GPC5: variants seen among roughly 807,000 people sequenced by gnomAD.
The protein encoded by GPC5 is glypican-5.
Under a neutral mutation model 53.9 loss-of-function variants are expected in GPC5, and 47 were observed. That is an observed-to-expected ratio of 0.87 (90% CI 0.69 to 1.11). The LOEUF is 1.11. GPC5 is among the 50% of genes most tolerant of loss of function. The pLI is 0.00. For missense variants in GPC5, 748 were observed against 713.1 expected, an observed-to-expected ratio of 1.05 and a Z score of -0.56; for synonymous variants, 286 against 263.3, an observed-to-expected ratio of 1.09 and a Z score of -0.84.
Position 92,463,767 on chromosome 13 carries a change from G to A in GPC5, c.1561+318778G>A, listed in dbSNP as rs561077484. Among the ~76,000 whole-genome samples the A allele has an allele frequency of 5.3e-5, 8 of 152,078 alleles. No homozygotes were observed. The South Asian group carries it at 1.2e-3, about 24-fold the overall frequency. ...AATACTCCACAAATAGCATTTTTCA[G>A]TTGTGAGACACAAAGCTTTTTTCTA... is the stretch of plus-strand genomic sequence containing the variant. On this transcript the variant is annotated intron_variant, in intron 7 of 7. Coordinates refer to ENST00000377067, the MANE Select transcript of GPC5 (RefSeq NM_004466.6).
intron 7 of GPC5, among the ~76,000 whole-genome samples, chr13:92,487,572 T>C (rs1011157088): frequency 2.6e-5 from 4 of 152,164 alleles, no homozygotes; most frequent in African/African-American, 7.2e-5. Flanking sequence ...TAGAAAACTT[T>C]CTGCATCCCA....
intron 7 of GPC5, among the ~76,000 whole-genome samples, chr13:92,345,869 G>A (rs1199825861): frequency 6.6e-6 from 1 of 152,160 alleles, no homozygotes; most frequent in Non-Finnish European, 1.5e-5. Context: ...AGAGCTCTTA[G>A]TGACCAGCCT....
intron 7 of GPC5, among the ~76,000 whole-genome samples, chr13:92,347,227 G>A (rs1418407350): frequency 6.6e-6 from 1 of 152,148 alleles, no homozygotes; most frequent in Non-Finnish European, 1.5e-5. Flanking sequence ...ACTGAAAGAG[G>A]TGTTAATCAA....
intron 5 of GPC5, among the ~76,000 whole-genome samples, chr13:91,837,081 A>G (rs2038729982): frequency 6.7e-6 from 1 of 150,220 alleles, no homozygotes; most frequent in African/African-American, 2.4e-5. Context: ...ATTTGAATTT[A>G]TATTTAAATA....
intron 2 of GPC5, among the ~76,000 whole-genome samples, chr13:91,561,237 A>G (rs1369220193): frequency 6.6e-6 from 1 of 152,100 alleles, no homozygotes; most frequent in Non-Finnish European, 1.5e-5. Flanking sequence ...TGTAATTTCA[A>G]TAATTGTAAA....
At chr13:91,699,073 G>A (rs2035941911) in intron 3 of GPC5, among the ~76,000 whole-genome samples, 1 of 152,160 alleles carries the variant, frequency 6.6e-6, no homozygotes, top group South Asian at 2.1e-4. Context: ...TTGGTTCCTA[G>A]AGAGGTTCAA....
At chr13:91,958,594 G>C (rs1412021611) in intron 6 of GPC5, among the ~76,000 whole-genome samples, 1 of 151,942 alleles carries the variant, frequency 6.6e-6, no homozygotes, top group East Asian at 1.9e-4. Context: ...TTGGCACATG[G>C]AACATTCTCC....
chr13:91,468,858 T>C (rs1239406763), intron 2 of GPC5, among the ~76,000 whole-genome samples: 1 of 150,284 alleles, frequency 6.7e-6, no homozygotes, highest in African/African-American at 2.4e-5. Flanking sequence ...GTTTTCTTCG[T>C]AGCTAAGATA....
intron 7 of GPC5, among the ~76,000 whole-genome samples, chr13:92,463,145 A>G (rs1044105909): frequency 8.5e-5 from 13 of 152,200 alleles, no homozygotes; most frequent in Admixed American, 3.3e-4. Context: ...CCCGATTTAC[A>G]TGAGGAAAAT....
intron 7 of GPC5, among the ~76,000 whole-genome samples, chr13:92,683,229 AAG>A (rs1464866589): frequency 6.6e-6 from 1 of 152,150 alleles, no homozygotes; most frequent in East Asian, 1.9e-4. Flanking sequence ...AAAAAAAGGA[AAG>A]AGAGAGAAAA....
chr13:92,438,252 C>CAATCTA (rs1877398211), intron 7 of GPC5, among the ~76,000 whole-genome samples: 2 of 151,896 alleles, frequency 1.3e-5, no homozygotes. Flanking sequence ...AGAACCAACC[C>CAATCTA]AATCTACAAT....
At chr13:92,693,772 C>G (rs1887479934) in intron 7 of GPC5, among the ~76,000 whole-genome samples, 1 of 152,120 alleles carries the variant, frequency 6.6e-6, no homozygotes, top group South Asian at 2.1e-4. Flanking sequence ...AACCCATTTT[C>G]TGGGGAGAAA....
In GPC5 at chr13:91,852,257, T is replaced by G. The variant is rs930541262; in HGVS notation, c.1281-55680T>G. On this transcript the variant is annotated intron_variant, in intron 5 of 7. Coordinates refer to ENST00000377067, the MANE Select transcript of GPC5 (RefSeq NM_004466.6). Reference sequence around the variant, plus strand: ...TTTTTTAATTATATTTTTATGTTATTTTGTTAAAAACTAAGACTCAAACAC... The same window carrying G: ...TTTTTTAATTATATTTTTATGTTATGTTGTTAAAAACTAAGACTCAAACAC... 3.0e-4 allele frequency among the ~76,000 whole-genome samples: 45 copies of G among 148,892 alleles called. 1 individual carries two copies. The highest frequency in any genetic ancestry group is 6.3e-4 in the South Asian group (3 of 4,756).
At chr13:92,647,458 C>T (rs888019481) in intron 7 of GPC5, among the ~76,000 whole-genome samples, 5 of 152,054 alleles carry the variant, frequency 3.3e-5, no homozygotes, top group Non-Finnish European at 7.4e-5. Context: ...CCTACATAGG[C>T]TCAGGAATAA....
chr13:91,943,248 CA>C (rs1415337150), intron 6 of GPC5, among the ~76,000 whole-genome samples: 1 of 151,944 alleles, frequency 6.6e-6, no homozygotes, highest in Non-Finnish European at 1.5e-5. Flanking sequence ...ATTTGATTAA[CA>C]AAATGCCTCA....
rs541228669 is a variant in GPC5, at chr13:92,472,936, T to C, written c.1561+327947T>C. Among the ~76,000 whole-genome samples the C allele has an allele frequency of 3.9e-5, 6 of 152,256 alleles. No homozygotes were observed. The South Asian group carries it at 1.0e-3, about 26-fold the overall frequency. On this transcript the variant is annotated intron_variant, in intron 7 of 7. Coordinates refer to ENST00000377067, the MANE Select transcript of GPC5 (RefSeq NM_004466.6). ...AAAGCAGTTTAATTGAATAGTACCT[T>C]ATTTATGATTGGCTTTTGATACCTA...
At chr13:92,286,040 T>A (rs1408924595) in intron 7 of GPC5, among the ~76,000 whole-genome samples, 1 of 151,892 alleles carries the variant, frequency 6.6e-6, no homozygotes. Context: ...TCAAAGAAAT[T>A]TACAAGAAAA....
intron 2 of GPC5, among the ~76,000 whole-genome samples, chr13:91,492,546 T>A (rs950570203): frequency 1.3e-5 from 2 of 152,168 alleles, no homozygotes; most frequent in Admixed American, 1.3e-4. Flanking sequence ...TTCGCCTTTT[T>A]TCTGTCTTTT....
chr13:92,095,739 T>G (rs1365742520), intron 6 of GPC5, among the ~76,000 whole-genome samples: 1 of 152,088 alleles, frequency 6.6e-6, no homozygotes, highest in East Asian at 1.9e-4. Context: ...TTCACCACGT[T>G]GGTCAGGCTG....
Sources: gnomAD v4.1 joint callset for allele counts (sites outside exome capture counted in the v4.1 genomes callset) on GRCh38, gnomAD v4.1.1 for gene constraint, MANE v1.5 for transcripts, NCBI Gene and HGNC (gene_info 2026-07-23, HGNC 2026-07-21) for gene names.